The following DNAH9 variants were observed in gnomAD, a reference collection of about 807,000 sequenced individuals.
DNAH9 encodes DNAH9 variant protein.
DNAH9 carries 345 observed loss-of-function variants against 471.6 expected under a neutral mutation model. The observed-to-expected ratio is 0.73, with a 90% confidence interval of 0.67 to 0.80. The LOEUF is 0.80. Ranked by LOEUF, DNAH9 falls within the 30% of genes least tolerant of loss-of-function variation. The pLI is 0.00. For synonymous variants in DNAH9, 2,093 were observed against 2,123.6 expected (o/e 0.99, Z 0.40); for missense variants, 5,407 against 5,609.2 (o/e 0.96, Z 1.15).
intron 48 of DNAH9, among the ~76,000 whole-genome samples, chr17:11,829,788 T>A (rs998213552): frequency 1.3e-5 from 2 of 152,240 alleles, no homozygotes; most frequent in African/African-American, 4.8e-5. Flanking sequence ...TCATAAACTT[T>A]AGACTTATAA....
At position 11,969,393 on chromosome 17, in the gene DNAH9, C is replaced by T. The variant is rs9913494; in HGVS notation, c.13327C>T (p.Arg4443Cys). 4.7e-4 allele frequency: 755 copies of T among 1,613,976 alleles called. 2 individuals carry two copies. The African/African-American group carries it at 7.1e-3, about 15-fold the overall frequency. ...CATTCCTGCAGATAAGCAGGACTGC[C>T]GCAGTGTCTATTCCTGTCCTGTGTA... ...KAIPADKQDC[R>C]SVYSCPVYKT... Residue 4443 changes from arginine (R) to cysteine (C), a missense_variant, in exon 69 of 69, where the codon CGC (arginine) becomes TGC (cysteine). Coordinates refer to ENST00000262442, the MANE Select transcript of DNAH9 (RefSeq NM_001372.4).
At chr17:11,827,578 C>G (rs77345300) in intron 48 of DNAH9, among the ~76,000 whole-genome samples, 2,811 of 152,250 alleles carry the variant, frequency 0.018, 96 homozygotes, top group African/African-American at 0.064. Flanking sequence ...AGTCACCTCC[C>G]GCCAGGCCCC....
intron 43 of DNAH9, among the ~76,000 whole-genome samples, chr17:11,800,760 C>A (rs949483740): frequency 3.9e-5 from 6 of 152,196 alleles, no homozygotes; most frequent in African/African-American, 1.4e-4. Context: ...AATGATTAAC[C>A]TCTGTCTGTT....
chr17:11,640,233 C>A, intron 9 of DNAH9, 37 bp from the exon 10 acceptor site: 1 of 1,343,560 alleles, frequency 7.4e-7, no homozygotes, highest in South Asian at 1.2e-5. Context: ...CTGAGGTGCT[C>A]TAGACTCATT....
chr17:11,942,220 C>T (rs1974943001), intron 66 of DNAH9, 83 bp from the exon 67 acceptor site: 1 of 1,532,744 alleles, frequency 6.5e-7, no homozygotes, highest in Non-Finnish European at 8.9e-7. Flanking sequence ...TGATTGGCAT[C>T]TCTAGTCCCA....
intron 67 of DNAH9, among the ~76,000 whole-genome samples, chr17:11,950,010 T>C (rs1234875621): frequency 6.6e-6 from 1 of 152,222 alleles, no homozygotes; most frequent in Non-Finnish European, 1.5e-5. Flanking sequence ...GCTTTCAAAA[T>C]GATGTTAGAT....
chr17:11,784,242 C>A, intron 40 of DNAH9, 58 bp from the exon 41 acceptor site: 1 of 1,597,732 alleles, frequency 6.3e-7, no homozygotes, highest in Non-Finnish European at 8.6e-7. Context: ...AATTCAGAAG[C>A]GGTGATTTCT....
intron 38 of DNAH9, among the ~76,000 whole-genome samples, chr17:11,773,157 C>T (rs1381056550): frequency 1.3e-5 from 2 of 152,194 alleles, no homozygotes; most frequent in African/African-American, 2.4e-5. Context: ...AACTGTTGCA[C>T]CTCCTTCATG....
intron 10 of DNAH9, among the ~76,000 whole-genome samples, chr17:11,642,341 C>G (rs1377224379): frequency 6.6e-6 from 1 of 152,058 alleles, no homozygotes; most frequent in Non-Finnish European, 1.5e-5. Context: ...GAGTTTGCAA[C>G]CATCCTGGCC....
Position 11,929,993 on chromosome 17 carries a change from T to C in DNAH9, c.12005T>C (p.Ile4002Thr). 1 of 1,614,054 alleles carries C rather than the reference T, an allele frequency of 6.2e-7. No homozygotes were observed. The highest frequency in any genetic ancestry group is 1.3e-5 in the African/African-American group (1 of 75,012). Reference protein sequence around the residue: ...AEPAPSPEGHIIPQGILENSI... With the variant: ...AEPAPSPEGHTIPQGILENSI... ...CCAGCACCCTCCCCTGAGGGCCACA[T>C]CATCCCCCAGGGCATCCTGGAGAAC... The change falls in exon 63 of 69, where the codon ATC (isoleucine) becomes ACC (threonine). Residue 4002 changes from isoleucine to threonine, a missense_variant. Coordinates refer to ENST00000262442, the MANE Select transcript of DNAH9 (RefSeq NM_001372.4).
rs1375830907 is a variant in DNAH9 at position 11,632,614 on chromosome 17, A to C, written c.1546A>C (p.Asn516His). 1 of 1,603,570 alleles carries C rather than the reference A, an allele frequency of 6.2e-7. No individual in the cohort carries two copies. Among genetic ancestry groups the C allele is most frequent in the Non-Finnish European group, 8.5e-7 (1 of 1,170,532 alleles). Residue 516 changes from asparagine to histidine, a missense_variant, in exon 8 of 69, where the codon AAC becomes CAC. By Grantham distance (68) the Asn-to-His change is moderately conservative (BLOSUM62 1). Transcript: ENST00000262442. ...TDFENDVSEF[N>H]QKVEDLDRRL... ...CTTTGAAAATGACGTCTCTGAATTT[A>C]ACCAGAAAGTAGAAGATCTTGACCG...
Position 11,704,246 on chromosome 17 carries a change from G to A in DNAH9, c.5195G>A (p.Gly1732Asp), listed in dbSNP as rs202049568. The A allele has an allele frequency of 7.7e-5, 125 of 1,614,032 alleles. No homozygotes were observed. The Middle Eastern group carries it at 9.9e-4, about 13-fold the overall frequency. Reference protein sequence around the residue: ...CTQIWWTTEVGMAFARLEEGY... With the variant: ...CTQIWWTTEVDMAFARLEEGY... Reference sequence around the variant, plus strand: ...CAGATCTGGTGGACAACAGAAGTGGGCATGGCATTTGCCAGGCTGGAGGAA... The same window carrying A: ...CAGATCTGGTGGACAACAGAAGTGGACATGGCATTTGCCAGGCTGGAGGAA... Residue 1732 changes from glycine (G) to aspartate (D), a missense_variant, in exon 25 of 69, where the codon GGC becomes GAC. This residue lies in a region of DNAH9 where 4,636 missense variants were observed against 4,900.3 expected (regional missense o/e 0.95). Coordinates refer to ENST00000262442, the MANE Select transcript of DNAH9 (RefSeq NM_001372.4).
rs887014993 is a variant in DNAH9 at position 11,895,205 on chromosome 17, T to A, written c.11406+709T>A. Among the ~76,000 whole-genome samples, 5 of 152,150 alleles carry A rather than the reference T, an allele frequency of 3.3e-5. No individual in the cohort carries two copies. In the South Asian group the frequency reaches 1.0e-3, roughly 32 times the overall value. On this transcript the variant is annotated intron_variant, in intron 59 of 68. Coordinates refer to ENST00000262442, the MANE Select transcript of DNAH9 (RefSeq NM_001372.4). Reference sequence around the variant, plus strand: ...CAAACTATAAGGTTCTTTCAGTAGGTACTATGCCTGCAATTCACAGATCCT... The same window carrying A: ...CAAACTATAAGGTTCTTTCAGTAGGAACTATGCCTGCAATTCACAGATCCT...
intron 28 of DNAH9, among the ~76,000 whole-genome samples, chr17:11,735,232 C>T (rs2075326059): frequency 6.6e-6 from 1 of 152,020 alleles, no homozygotes; most frequent in African/African-American, 2.4e-5. Flanking sequence ...GAAGATCTAT[C>T]CTCTGCATTG....
intron 25 of DNAH9, among the ~76,000 whole-genome samples, 165 bp downstream of exon 25, chr17:11,704,607 G>C (rs886938950): frequency 7.3e-5 from 10 of 137,222 alleles, no homozygotes; most frequent in Non-Finnish European, 1.4e-4. Flanking sequence ...TTTTGAGATT[G>C]AGTTTCGCTC....
chr17:11,796,880 G>T (rs1002772573), intron 42 of DNAH9, among the ~76,000 whole-genome samples: 5 of 152,156 alleles, frequency 3.3e-5, no homozygotes, highest in Admixed American at 3.3e-4. Context: ...ATATATTGGT[G>T]AAGAGACGCA....
intron 13 of DNAH9, 92 bp from the exon 14 acceptor site, chr17:11,652,669 C>T: frequency 8.3e-7 from 1 of 1,197,920 alleles, no homozygotes; most frequent in Non-Finnish European, 1.2e-6. Flanking sequence ...ATAACACTCG[C>T]AAGTATTAAA....
At chr17:11,888,993 G>A (rs988659359) in intron 57 of DNAH9, among the ~76,000 whole-genome samples, 2 of 152,198 alleles carry the variant, frequency 1.3e-5, no homozygotes, top group Non-Finnish European at 2.9e-5. Flanking sequence ...CTCTTCAACA[G>A]CCAGGTTTTG....
chr17:11,768,851 G>T (rs1483181121), intron 37 of DNAH9, among the ~76,000 whole-genome samples: 1 of 152,156 alleles, frequency 6.6e-6, no homozygotes, highest in Admixed American at 6.5e-5. Context: ...AGGGGCAGAA[G>T]ATTTTAAAAT....
Sources: allele counts gnomAD v4.1 joint callset (sites outside exome capture counted in the v4.1 genomes callset), GRCh38; gene constraint gnomAD v4.1.1; regional missense constraint gnomAD v4.1.1; transcripts MANE v1.5; gene names NCBI Gene and HGNC (gene_info 2026-07-23, HGNC 2026-07-21).